Variants in ZBBX observed in about 807,000 individuals in gnomAD.
The protein encoded by ZBBX is zinc finger B-box domain containing.
A neutral mutation model predicts 108.5 loss-of-function variants in ZBBX; 101 were observed. The observed-to-expected ratio is 0.93, with a 90% CI of 0.79 to 1.10. The LOEUF (loss-of-function observed/expected upper bound fraction) is 1.10. Ranked by LOEUF, ZBBX falls within the 50% of genes least tolerant of loss-of-function variation. The pLI, the probability that ZBBX is intolerant of heterozygous loss-of-function variation, is 0.00. For missense variants in ZBBX, 1,009 were observed against 941.4 expected, an observed-to-expected ratio of 1.07 and a Z score of -0.94; for synonymous variants, 356 against 323.4, an observed-to-expected ratio of 1.10 and a Z score of -1.08.
chr3:167,341,002 T>C (rs920621231), intron 9 of ZBBX, among the ~76,000 whole-genome samples: 2 of 152,122 alleles, frequency 1.3e-5, no homozygotes, highest in Non-Finnish European at 2.9e-5. Context: ...TATAAAAAAC[T>C]ACTTATTGCA....
At chr3:167,183,518 G>C in the ZBBX span, among the ~76,000 whole-genome samples, 2 of 152,228 alleles carry the variant, frequency 1.3e-5, no homozygotes, top group Admixed American at 1.3e-4. Context: ...TGGGAATCAG[G>C]GGGCTGACAG....
chr3:167,279,233 G>A (rs1427574112), intron 20 of ZBBX, among the ~76,000 whole-genome samples: 2 of 152,166 alleles, frequency 1.3e-5, no homozygotes, highest in Admixed American at 6.5e-5. Context: ...CATAGTGTTG[G>A]AAGTCCTGGC....
intron 20 of ZBBX, among the ~76,000 whole-genome samples, chr3:167,274,236 A>T (rs1727069373): frequency 6.6e-6 from 1 of 152,222 alleles, no homozygotes; most frequent in African/African-American, 2.4e-5. Context: ...GGATGGCTAG[A>T]AAGATGATTT....
chr3:167,213,821 A>G, the ZBBX span, among the ~76,000 whole-genome samples: 1 of 152,178 alleles, frequency 6.6e-6, no homozygotes, highest in Admixed American at 6.6e-5. Flanking sequence ...CTATCAGGCT[A>G]ATAGCAGACC....
intron 19 of ZBBX, among the ~76,000 whole-genome samples, chr3:167,283,487 G>A (rs1232685245): frequency 6.6e-6 from 1 of 152,122 alleles, no homozygotes; most frequent in Non-Finnish European, 1.5e-5. Context: ...TTAGGTGGGT[G>A]CAATTGTCAT....
chr3:167,282,211 C>A (rs1728934113), intron 20 of ZBBX, 27 bp downstream of exon 20: 5 of 1,589,088 alleles, frequency 3.1e-6, no homozygotes, highest in Non-Finnish European at 4.3e-6. Flanking sequence ...TTAGCATTAT[C>A]TAAAGTGAAA....
chr3:167,320,910 T>G (rs1736332313), intron 12 of ZBBX, among the ~76,000 whole-genome samples: 1 of 151,984 alleles, frequency 6.6e-6, no homozygotes. Context: ...AGGGAAAGAC[T>G]GAAGAACTGT....
At chr3:167,203,600 A>C in the ZBBX span, among the ~76,000 whole-genome samples, 3 of 152,108 alleles carry the variant, frequency 2.0e-5, no homozygotes, top group African/African-American at 7.2e-5. Flanking sequence ...ATGTATGTTT[A>C]TTTAAAAAGA....
intron 11 of ZBBX, among the ~76,000 whole-genome samples, chr3:167,325,651 C>T (rs73028622): frequency 1.2e-3 from 189 of 152,182 alleles, no homozygotes; most frequent in African/African-American, 4.4e-3. Flanking sequence ...AAGTTCCAGA[C>T]GAAGTTGCTA....
At chr3:167,218,039 G>A in the ZBBX span, among the ~76,000 whole-genome samples, 4 of 151,822 alleles carry the variant, frequency 2.6e-5, no homozygotes, top group Admixed American at 6.6e-5. Flanking sequence ...CACCACACCC[G>A]GCCCCTTTCT....
In ZBBX at chr3:167,251,925, A is replaced by AACACACACACACACACACACAC. The variant is rs3221849; in HGVS notation, c.2255-9304_2255-9283dup. 3.1e-4 allele frequency among the ~76,000 whole-genome samples: 45 copies of AACACACACACACACACACACAC among 143,814 alleles called. 1 individual carries two copies. The highest frequency in any genetic ancestry group is 1.1e-3 in the African/African-American group (40 of 37,850). 94.3% of individuals were successfully genotyped at this position (143,814 alleles called of 152,430 possible). A position where few individuals can be genotyped will look rare whatever the true frequency, so the allele number is the denominator to read the frequency against. ...CGATTCATCATGATGTTGTGCCTGC[A>AACACACACACACACACACACAC]ACACACACACACACACACACACACA... On this transcript the variant is annotated intron_variant, in intron 20 of 21. Transcript: ENST00000675490.
the ZBBX span, among the ~76,000 whole-genome samples, chr3:167,220,439 A>T: frequency 2.6e-5 from 4 of 152,084 alleles, no homozygotes; most frequent in Non-Finnish European, 5.9e-5. Context: ...ACGTACACAA[A>T]TTCATCAATG....
At chr3:167,229,838 A>G in the ZBBX span, among the ~76,000 whole-genome samples, 1 of 151,872 alleles carries the variant, frequency 6.6e-6, no homozygotes, top group East Asian at 1.9e-4. Flanking sequence ...TTTTTCAAGG[A>G]AACATATTTT....
At chr3:167,222,739 T>G in the ZBBX span, among the ~76,000 whole-genome samples, 1 of 151,658 alleles carries the variant, frequency 6.6e-6, no homozygotes, top group African/African-American at 2.4e-5. Context: ...ATAATAAAAA[T>G]GAAACATAAA....
chr3:167,405,127 G>T (rs1001092291), intron 1 of ZBBX, among the ~76,000 whole-genome samples: 1 of 152,156 alleles, frequency 6.6e-6, no homozygotes, highest in Non-Finnish European at 1.5e-5. Flanking sequence ...AAGGCAATGA[G>T]CTCTCTTTTG....
chr3:167,273,171 A>G (rs907260369), intron 20 of ZBBX, among the ~76,000 whole-genome samples: 1 of 152,206 alleles, frequency 6.6e-6, no homozygotes, highest in Non-Finnish European at 1.5e-5. Flanking sequence ...TGATAATACT[A>G]AAGTAGATAT....
rs377377223 is a variant in ZBBX, at chr3:167,282,483, T to C, written c.2009A>G (p.Gln670Arg). ...TGGAAAATTTGCTGTTGAAGGTCTC[T>C]GTGATTTCTGACCTAAAATTAAAAG... The part of the protein sequence containing the change: ...RKQQKMGQKS[Q>R]RPSTANFPLS... Residue 670 changes from glutamine (Q) to arginine (R), a missense_variant, in exon 20 of 22, where the codon CAG (glutamine) becomes CGG (arginine). Physicochemically the swap from Gln to Arg is conservative, Grantham distance 43. Coordinates refer to ENST00000675490, the MANE Select transcript of ZBBX (RefSeq NM_001199201.2). The C allele has an allele frequency of 1.9e-6, 3 of 1,604,256 alleles. No individual in the cohort carries two copies. The highest frequency in any genetic ancestry group is 2.2e-5 in the South Asian group (2 of 89,228).
the ZBBX span, among the ~76,000 whole-genome samples, chr3:167,222,375 G>A: frequency 6.6e-6 from 1 of 151,834 alleles, no homozygotes; most frequent in Admixed American, 6.6e-5. Context: ...TGAACTTAAG[G>A]AGATAGAGAG....
chr3:167,407,188 C>T (rs563383666), intron 1 of ZBBX, among the ~76,000 whole-genome samples: 4 of 152,328 alleles, frequency 2.6e-5, no homozygotes, highest in Admixed American at 2.6e-4. Flanking sequence ...ATCACCCTCA[C>T]TATGCATTTT....
Sources: allele counts gnomAD v4.1 joint callset (sites outside exome capture counted in the v4.1 genomes callset), GRCh38; gene constraint gnomAD v4.1.1; transcripts MANE v1.5; gene names NCBI Gene and HGNC (gene_info 2026-07-23, HGNC 2026-07-21).